Variants in SLC23A1 observed in about 807,000 individuals in gnomAD.
SLC23A1 encodes the protein solute carrier family 23 member 1.
A neutral mutation model predicts 62.5 loss-of-function variants in SLC23A1; 31 were observed. The ratio of observed to expected loss-of-function variants is 0.50; its 90% CI spans 0.37 to 0.67. The LOEUF (loss-of-function observed/expected upper bound fraction) is 0.67, where lower values mean the gene tolerates loss of function less well. SLC23A1 is among the 30% of genes least tolerant of loss of function. SLC23A1 has a pLI of 0.00. For synonymous variants in SLC23A1, 271 were observed against 313.2 expected (o/e 0.87, Z 1.42); for missense variants, 640 against 782.7 (o/e 0.82, Z 2.18).
At chr5:139,373,024 T>G (rs941074688) in intron 13 of SLC23A1, among the ~76,000 whole-genome samples, 4 of 152,204 alleles carry the variant, frequency 2.6e-5, no homozygotes, top group African/African-American at 9.7e-5. Flanking sequence ...GAGGCATATT[T>G]TGAAACACTA....
upstream of SLC23A1, chr5:139,384,736 T>G (rs1192253450): frequency 1.0e-6 from 1 of 985,242 alleles, no homozygotes; most frequent in East Asian, 1.1e-4. Flanking sequence ...CACAGTAGCA[T>G]GAAGGGGCCC....
chr5:139,376,057 A>T (rs1757930737), intron 13 of SLC23A1, among the ~76,000 whole-genome samples: 1 of 152,040 alleles, frequency 6.6e-6, no homozygotes, highest in African/African-American at 2.4e-5. Flanking sequence ...CAGGAGGGTC[A>T]CATAAGCCCA....
chr5:139,378,065 A>G lies in SLC23A1; in HGVS notation c.1363T>C (p.Ser455Pro). Residue 455 changes from serine to proline, a missense_variant, in exon 12 of 15, where the codon TCT (serine) becomes CCT (proline). Transcript: ENST00000348729. The surrounding 1 kb of genome is among the most constrained non-coding windows in gnomAD (Gnocchi z 4.5). Reference sequence around the variant, plus strand: ...AATCCCAGCACGAAGAGGTTGCGAGAGGAGTTCATGTCCACAAATTGCAGG... The same window carrying G: ...AATCCCAGCACGAAGAGGTTGCGAGGGGAGTTCATGTCCACAAATTGCAGG... Reference protein sequence around the residue: ...SNLQFVDMNSSRNLFVLGFSM... With the variant: ...SNLQFVDMNSPRNLFVLGFSM... 1 of 1,614,178 alleles carries G rather than the reference A, an allele frequency of 6.2e-7. No homozygotes were observed. Among genetic ancestry groups the G allele is most frequent in the Non-Finnish European group, 8.5e-7 (1 of 1,180,004 alleles).
intron 1 of SLC23A1, 132 bp from the exon 2 acceptor site, chr5:139,382,737 A>C (rs376493456): frequency 1.6e-6 from 1 of 635,734 alleles, no homozygotes; most frequent in South Asian, 1.8e-5. Context: ...CCTCCCCAAC[A>C]GTCCATCCAC....
Position 139,378,212 on chromosome 5 carries a change from A to C in SLC23A1, c.1309+10T>G, listed in dbSNP as rs200104663. 1.3e-5 allele frequency: 21 copies of C among 1,612,890 alleles called. No homozygotes were observed. Among genetic ancestry groups the C allele is most frequent in the Non-Finnish European group, 1.5e-5 (18 of 1,179,638 alleles). ...CGCACCGCGACCCGTGGCCCGCGCC[A>C]GACACTCACCAAAGAGAGTGCAGAA... On this transcript the variant is annotated intron_variant, in intron 11 of 14. Transcript: ENST00000348729. The surrounding 1 kb of genome is among the most constrained non-coding windows in gnomAD (Gnocchi z 4.5).
At chr5:139,380,758 C>T (rs766505323) in intron 4 of SLC23A1, 40 bp downstream of exon 4, 19 of 1,482,538 alleles carry the variant, frequency 1.3e-5, no homozygotes, top group Non-Finnish European at 1.8e-5. Context: ...GTCTCTGGGC[C>T]TCCCCTTTTC....
chr5:139,379,982 G>C lies in SLC23A1; in HGVS notation c.742C>G (p.Arg248Gly). The C allele has an allele frequency of 2.5e-6, 4 of 1,614,120 alleles. No individual in the cohort carries two copies. Among genetic ancestry groups the C allele is most frequent in the Non-Finnish European group, 3.4e-6 (4 of 1,180,016 alleles). ...YRWGKGLTLLRIQIFKMFPIM... is the reference protein window; with the variant it reads ...YRWGKGLTLLGIQIFKMFPIM... ...GGAAACATTTTGAAGATCTGGATGC[G>C]GAGGAGAGTGAGGCCCTTGCCCCAG... is the stretch of plus-strand genomic sequence containing the variant. Residue 248 changes from arginine (R) to glycine (G), a missense_variant, in exon 7 of 15, where the codon CGC becomes GGC. Coordinates refer to ENST00000348729, the MANE Select transcript of SLC23A1 (RefSeq NM_005847.5). The surrounding 1 kb of genome is among the most constrained non-coding windows in gnomAD (Gnocchi z 4.7).
At position 139,379,110 on chromosome 5, in the gene SLC23A1, T is replaced by C. The variant is rs779416401; in HGVS notation, c.1073+97A>G. 5.5e-6 allele frequency: 7 copies of C among 1,276,588 alleles called. No homozygotes were observed. The highest frequency in any genetic ancestry group is 7.9e-6 in the Non-Finnish European group (7 of 891,496). The allele number at this position is 1,276,588 out of a possible 1,614,324, so 79.1% of individuals were successfully genotyped here. ...TGAGGTCTGGAGCGTGTTCCCGACT[T>C]GCCTAAGCCTACCCCCTGGGCCTCC... is the stretch of plus-strand genomic sequence containing the variant. On this transcript the variant is annotated intron_variant, in intron 9 of 14. Coordinates refer to ENST00000348729, the MANE Select transcript of SLC23A1 (RefSeq NM_005847.5). The surrounding 1 kb of genome is among the most constrained non-coding windows in gnomAD (Gnocchi z 4.7).
upstream of SLC23A1, among the ~76,000 whole-genome samples, chr5:139,383,792 G>T (rs966516031): frequency 3.9e-5 from 6 of 152,240 alleles, no homozygotes; most frequent in African/African-American, 1.4e-4. Context: ...GAAGGAAACA[G>T]ATTCAGTAGA....
At chr5:139,382,720 T>A in intron 1 of SLC23A1, 115 bp from the exon 2 acceptor site, 1 of 691,012 alleles carries the variant, frequency 1.4e-6, no homozygotes, top group Non-Finnish European at 2.6e-6. Flanking sequence ...GAGAGCGGGG[T>A]TCCCGCCCTC....
intron 13 of SLC23A1, among the ~76,000 whole-genome samples, chr5:139,374,422 G>GC (rs1392835394): frequency 1.3e-5 from 2 of 152,216 alleles, no homozygotes; most frequent in Non-Finnish European, 1.5e-5. Context: ...GGGCGACAGA[G>GC]CGAGACTCCG....
Position 139,371,032 on chromosome 5 carries a change from A to G in SLC23A1, c.*19+955T>C, listed in dbSNP as rs183447303. Among the ~76,000 whole-genome samples the G allele has an allele frequency of 9.3e-3, 1,408 of 152,126 alleles. 8 individuals carry two copies. The highest frequency in any genetic ancestry group is 0.015 in the Non-Finnish European group (1,028 of 67,994). On this transcript the variant is annotated intron_variant, in intron 14 of 14. Transcript: ENST00000348729. ...GGGAGGTGGAGGTTGCAGTGAGCCGAGATGGCGCCACTGCACTCCAGCCTG... is the reference window on the plus strand; with the variant it reads ...GGGAGGTGGAGGTTGCAGTGAGCCGGGATGGCGCCACTGCACTCCAGCCTG...
chr5:139,384,736 TGAAGGG>T, upstream of SLC23A1: 1 of 985,360 alleles, frequency 1.0e-6, no homozygotes, highest in Non-Finnish European at 1.2e-6. Context: ...CACAGTAGCA[TGAAGGG>T]GCCCACACAC....
Position 139,377,500 on chromosome 5 carries a change from G to T in SLC23A1, c.1454-3C>A. 6.4e-7 allele frequency: 1 copy of T among 1,569,840 alleles called. No homozygotes were observed. Among genetic ancestry groups the T allele is most frequent in the Non-Finnish European group, 8.8e-7 (1 of 1,139,564 alleles). ...AATCTGATCCACTTCAAGAATGCCT[G>T]TGGAATAGGCCAAGGGCCAATGGGT... On this transcript the variant is annotated splice_region_variant and splice_polypyrimidine_tract_variant and intron_variant, in intron 12 of 14. Coordinates refer to ENST00000348729, the MANE Select transcript of SLC23A1 (RefSeq NM_005847.5).
intron 13 of SLC23A1, among the ~76,000 whole-genome samples, chr5:139,374,263 CAA>C (rs1217792479): frequency 1.3e-5 from 2 of 152,072 alleles, no homozygotes; most frequent in African/African-American, 2.4e-5. Context: ...TAGGTAAAGA[CAA>C]AGAGCACCCT....
intron 13 of SLC23A1, among the ~76,000 whole-genome samples, chr5:139,376,167 C>T (rs951741565): frequency 5.9e-5 from 3 of 51,252 alleles, no homozygotes; most frequent in Non-Finnish European, 1.1e-4. Context: ...CCCAGATTTG[C>T]GATGTTTTAA....
chr5:139,375,712 G>A (rs1287574705), intron 13 of SLC23A1, among the ~76,000 whole-genome samples: 3 of 152,078 alleles, frequency 2.0e-5, no homozygotes, highest in Non-Finnish European at 4.4e-5. Flanking sequence ...GTGCACACCT[G>A]TAATCCCAGC....
chr5:139,376,741 A>C (rs1230624947), intron 13 of SLC23A1, among the ~76,000 whole-genome samples: 1 of 152,148 alleles, frequency 6.6e-6, no homozygotes, highest in Admixed American at 6.5e-5. Context: ...TTTGGAGTGG[A>C]TGGATTTTGC....
At chr5:139,380,535 G>C (rs760540188) in intron 5 of SLC23A1, 30 bp downstream of exon 5, 14 of 1,610,256 alleles carry the variant, frequency 8.7e-6, no homozygotes, top group African/African-American at 1.3e-5. Context: ...CTCAGGACCC[G>C]GCCTCTTCTA....
Sources: allele counts gnomAD v4.1 joint callset (sites outside exome capture counted in the v4.1 genomes callset), GRCh38; gene constraint gnomAD v4.1.1; non-coding constraint Gnocchi (gnomAD v3.1); transcripts MANE v1.5; gene names NCBI Gene and HGNC (gene_info 2026-07-23, HGNC 2026-07-21).